The following VPS33B variants were observed in gnomAD, a reference collection of about 807,000 sequenced individuals.
VPS33B encodes the protein vacuolar protein sorting-associated protein 33B.
A neutral mutation model predicts 95.3 loss-of-function variants in VPS33B; 80 were observed. The observed-to-expected ratio is 0.84, with a 90% CI of 0.70 to 1.01. The LOEUF (loss-of-function observed/expected upper bound fraction) is 1.01. VPS33B is among the 50% of genes least tolerant of loss of function. VPS33B has a pLI of 0.00. For synonymous variants in VPS33B, 280 were observed against 280.4 expected, an observed-to-expected ratio of 1.00 and a Z score of 0.01; for missense variants, 715 against 773.4, an observed-to-expected ratio of 0.92 and a Z score of 0.90.
At chr15:91,008,240 C>T (rs2040673720) in intron 6 of VPS33B, among the ~76,000 whole-genome samples, 1 of 152,130 alleles carries the variant, frequency 6.6e-6, no homozygotes, top group Admixed American at 6.5e-5. Context: ...ACCAAAAGTG[C>T]CGAGAAAACA....
chr15:91,003,612 G>T (rs182577280), intron 16 of VPS33B, among the ~76,000 whole-genome samples: 106 of 152,142 alleles, frequency 7.0e-4, no homozygotes, highest in African/African-American at 2.5e-3. Context: ...GCTAATTTTT[G>T]TATTTTTAGT....
chr15:91,017,412 A>G (rs2040971947), intron 2 of VPS33B, among the ~76,000 whole-genome samples: 1 of 104,614 alleles, frequency 9.6e-6, no homozygotes, highest in Admixed American at 1.1e-4. Flanking sequence ...ATATATATAT[A>G]TATATATATA....
At position 91,011,656 on chromosome 15, in the gene VPS33B, G is replaced by C. The variant is rs934962882; in HGVS notation, c.358-1810C>G. Among the ~76,000 whole-genome samples, 5 of 152,256 alleles carry C rather than the reference G, an allele frequency of 3.3e-5. No individual in the cohort carries two copies. The highest frequency in any genetic ancestry group is 2.1e-4 in the South Asian group (1 of 4,820). On this transcript the variant is annotated intron_variant, in intron 5 of 22. Coordinates refer to ENST00000333371, the MANE Select transcript of VPS33B (RefSeq NM_018668.5). This position sits in a 1 kb window ranked among gnomAD's most constrained non-coding sequence, Gnocchi z 5.5. ...TTTCTGTGTAATAGAGAGGCTTGTA[G>C]GATTATTTTAACTTGTAGGATTATT...
Position 91,002,775 on chromosome 15 carries a change from C to A in VPS33B, c.1272+310G>T, listed in dbSNP as rs950892147. Among the ~76,000 whole-genome samples the A allele has an allele frequency of 6.6e-6, 1 of 152,106 alleles. No individual in the cohort carries two copies. The highest frequency in any genetic ancestry group is 1.9e-4 in the East Asian group (1 of 5,200). On this transcript the variant is annotated intron_variant, in intron 17 of 22. Coordinates refer to ENST00000333371, the MANE Select transcript of VPS33B (RefSeq NM_018668.5). This position sits in a 1 kb window ranked among gnomAD's most constrained non-coding sequence, Gnocchi z 4.7. ...ACTTGAGAAGTACCAGGAAGGAAAG[C>A]TGAATCAATGCCTCACACGGTGCTA...
intron 1 of VPS33B, among the ~76,000 whole-genome samples, chr15:91,020,156 A>G (rs796475177): frequency 3.9e-4 from 59 of 152,270 alleles, no homozygotes; most frequent in African/African-American, 1.4e-3. Context: ...TAGTGTTTAT[A>G]ACTTATGGTA....
rs1354015234 is a variant in VPS33B, at chr15:91,002,675, CAAAG to C, written c.1272+406_1272+409del. Among the ~76,000 whole-genome samples, 10 of 146,554 alleles carry C rather than the reference CAAAG, an allele frequency of 6.8e-5. No individual in the cohort carries two copies. In the South Asian group the frequency reaches 2.0e-3, roughly 29 times the overall value. On this transcript the variant is annotated intron_variant, in intron 17 of 22. Coordinates refer to ENST00000333371, the MANE Select transcript of VPS33B (RefSeq NM_018668.5). This position sits in a 1 kb window ranked among gnomAD's most constrained non-coding sequence, Gnocchi z 4.7. ...AAGAAAAGAAATAATTAGCACCAAA[CAAAG>C]AAGAATAAAAAGCAGCATGAGACTT...
rs142949901 is a variant in VPS33B, at chr15:91,005,996, G to A, written c.916C>T (p.Arg306Trp). ...ACATCATACTGGGCCTGCAAGTTCC[G>A]GGCCTTCTGGCTCAAGAAGCCAAAG... is the stretch of plus-strand genomic sequence containing the variant. ...NVFGFLSQKA[R>W]NLQAQYDRRR... Residue 306 changes from arginine to tryptophan, a missense_variant, in exon 12 of 23, where the codon CGG becomes TGG. Physicochemically the swap from Arg to Trp is moderately radical, Grantham distance 101 (BLOSUM62 -3). Coordinates refer to ENST00000333371, the MANE Select transcript of VPS33B (RefSeq NM_018668.5). This position sits in a 1 kb window ranked among gnomAD's most constrained non-coding sequence, Gnocchi z 6.4. 15 of 1,614,010 alleles carry A rather than the reference G, an allele frequency of 9.3e-6. No individual in the cohort carries two copies. Among genetic ancestry groups the A allele is most frequent in the East Asian group, 2.2e-5 (1 of 44,888 alleles).
At position 90,998,805 on chromosome 15, in the gene VPS33B, G is replaced by A. The variant is rs1414568622; in HGVS notation, c.*170C>T. On this transcript the variant is annotated 3_prime_UTR_variant, in exon 23 of 23. Coordinates refer to ENST00000333371, the MANE Select transcript of VPS33B (RefSeq NM_018668.5). This position sits in a 1 kb window ranked among gnomAD's most constrained non-coding sequence, Gnocchi z 4.8. ...AGAAAAGAGAAATATCCTGGGAGCA[G>A]GAAGTGAACTCTTTTCTCAGATAAT... 1 of 746,568 alleles carries A rather than the reference G, an allele frequency of 1.3e-6. No individual in the cohort carries two copies. The highest frequency in any genetic ancestry group is 1.5e-5 in the South Asian group (1 of 66,360). 46.2% of individuals were successfully genotyped at this position (746,568 alleles called of 1,614,324 possible).
chr15:91,007,987 C>A lies in VPS33B; in HGVS notation c.404-23G>T. 6.2e-7 allele frequency: 1 copy of A among 1,611,298 alleles called. No individual in the cohort carries two copies. Among genetic ancestry groups the A allele is most frequent in the Non-Finnish European group, 8.5e-7 (1 of 1,177,426 alleles). On this transcript the variant is annotated intron_variant, in intron 6 of 22. Transcript: ENST00000333371. This position sits in a 1 kb window ranked among gnomAD's most constrained non-coding sequence, Gnocchi z 5.3. Reference sequence around the variant, plus strand: ...CATCTGTGGGGACAGAGAGCATCAGCCTCCCTGCAGAAGGTACTTAGCTCC... The same window carrying A: ...CATCTGTGGGGACAGAGAGCATCAGACTCCCTGCAGAAGGTACTTAGCTCC...
chr15:90,999,315 C>G lies in VPS33B; in HGVS notation c.1775-261G>C. ...AAATATTCCTGTGCAGGACACTTTGCGTGTTTTTTTTTTTTCTCTTGAGAT... is the reference window on the plus strand; with the variant it reads ...AAATATTCCTGTGCAGGACACTTTGGGTGTTTTTTTTTTTTCTCTTGAGAT... On this transcript the variant is annotated intron_variant, in intron 22 of 22. Transcript: ENST00000333371. This position sits in a 1 kb window ranked among gnomAD's most constrained non-coding sequence, Gnocchi z 5.1. The G allele has an allele frequency of 3.6e-6, 2 of 559,816 alleles. No homozygotes were observed. Among genetic ancestry groups the G allele is most frequent in the Non-Finnish European group, 6.3e-6 (2 of 316,094 alleles). The allele number at this position is 559,816 out of a possible 1,614,324, so 34.7% of individuals were successfully genotyped here.
At position 91,006,976 on chromosome 15, in the gene VPS33B, A is replaced by G. The variant is rs1221382135; in HGVS notation, c.674T>C (p.Ile225Thr). The G allele has an allele frequency of 4.3e-6, 7 of 1,614,128 alleles. 1 individual carries two copies. Among genetic ancestry groups the G allele is most frequent in the Non-Finnish European group, 5.9e-6 (7 of 1,180,034 alleles). Residue 225 changes from isoleucine to threonine, a missense_variant, in exon 9 of 23, where the codon ATT becomes ACT. Coordinates refer to ENST00000333371, the MANE Select transcript of VPS33B (RefSeq NM_018668.5). The surrounding 1 kb of genome is among the most constrained non-coding windows in gnomAD (Gnocchi z 5.4). ...DGETKGRRPE[I>T]GHIFLLDRDV... ...TCTGTCCAAGAGAAAGATATGTCCA[A>G]TCTCTGGCCTTCGGCCCTTGGTTTC... is the stretch of plus-strand genomic sequence containing the variant.
chr15:91,016,375 C>CTTTTTT lies in VPS33B; in HGVS notation c.239+582_239+587dup, dbSNP rs796637381. 1.4e-3 allele frequency among the ~76,000 whole-genome samples: 133 copies of CTTTTTT among 95,994 alleles called. 2 individuals carry two copies. Among genetic ancestry groups the CTTTTTT allele is most frequent in the African/African-American group, 3.3e-3 (79 of 23,660 alleles). 63.0% of individuals were successfully genotyped at this position (95,994 alleles called of 152,430 possible). A position where few individuals can be genotyped will look rare whatever the true frequency, so the allele number is the denominator to read the frequency against. On this transcript the variant is annotated intron_variant, in intron 3 of 22. Transcript: ENST00000333371. The stretch of plus-strand genomic sequence containing the variant: ...GTAATAAGAGGCCTTGCAGATTCTT[C>CTTTTTT]TTTTTTTTTTTTTTTTTTTTTTTTT...
intron 18 of VPS33B, among the ~76,000 whole-genome samples, chr15:91,001,692 T>C (rs1431350429): frequency 6.6e-6 from 1 of 152,152 alleles, no homozygotes; most frequent in African/African-American, 2.4e-5. Flanking sequence ...ATCCACAGGG[T>C]AACCCGAGTT....
At position 91,001,291 on chromosome 15, in the gene VPS33B, C is replaced by G; in HGVS notation, c.1479+98G>C. On this transcript the variant is annotated intron_variant, in intron 19 of 22. Transcript: ENST00000333371. ...TGCCACTGCACTCCAGCCTGGGCAA[C>G]AGAGCAAGATTCCATCTCAAAAAAA... 1.1e-5 allele frequency: 10 copies of G among 925,794 alleles called. No homozygotes were observed. The South Asian group carries it at 1.1e-4, about 10-fold the overall frequency. The allele number at this position is 925,794 out of a possible 1,614,324, so 57.3% of individuals were successfully genotyped here. A position where few individuals can be genotyped will look rare whatever the true frequency, so the allele number is the denominator to read the frequency against.
At position 91,007,745 on chromosome 15, in the gene VPS33B, C is replaced by T. The variant is rs1308404265; in HGVS notation, c.498+125G>A. 21 of 1,166,112 alleles carry T rather than the reference C, an allele frequency of 1.8e-5. No individual in the cohort carries two copies. In the East Asian group the frequency reaches 3.7e-4, roughly 21 times the overall value. 72.2% of individuals were successfully genotyped at this position (1,166,112 alleles called of 1,614,324 possible). A position where few individuals can be genotyped will look rare whatever the true frequency, so the allele number is the denominator to read the frequency against. ...AGACCAATCTGTAGCACTCAATCAC[C>T]ACATCACTATCACTTGTGATAAATT... is the stretch of plus-strand genomic sequence containing the variant. On this transcript the variant is annotated intron_variant, in intron 7 of 22. Transcript: ENST00000333371. The surrounding 1 kb of genome is among the most constrained non-coding windows in gnomAD (Gnocchi z 5.3).
intron 2 of VPS33B, among the ~76,000 whole-genome samples, chr15:91,017,422 A>T (rs1467929228): frequency 1.8e-5 from 2 of 113,664 alleles, no homozygotes; most frequent in Non-Finnish European, 3.7e-5. Context: ...ATATATATAT[A>T]TTCTGTAGTA....
chr15:91,005,880 A>G lies in VPS33B; in HGVS notation c.939+93T>C. Reference sequence around the variant, plus strand: ...CATCCATCCATGAGAAAGGACAGGGAACCTGTCATAGTATTAGAAGGGGAG... The same window carrying G: ...CATCCATCCATGAGAAAGGACAGGGGACCTGTCATAGTATTAGAAGGGGAG... On this transcript the variant is annotated intron_variant, in intron 12 of 22. Coordinates refer to ENST00000333371, the MANE Select transcript of VPS33B (RefSeq NM_018668.5). The surrounding 1 kb of genome is among the most constrained non-coding windows in gnomAD (Gnocchi z 6.4). The G allele has an allele frequency of 6.3e-7, 1 of 1,599,032 alleles. No individual in the cohort carries two copies. The highest frequency in any genetic ancestry group is 1.7e-5 in the Admixed American group (1 of 59,328).
chr15:91,006,916 C>T lies in VPS33B; in HGVS notation c.700+34G>A, dbSNP rs2040624934. On this transcript the variant is annotated intron_variant, in intron 9 of 22. Transcript: ENST00000333371. This position sits in a 1 kb window ranked among gnomAD's most constrained non-coding sequence, Gnocchi z 5.4. ...TTCCATATTCCCGTGTCTTCTAGGG[C>T]TGAAAGATGACAGGAACGCTGGGCA... 2 of 1,612,586 alleles carry T rather than the reference C, an allele frequency of 1.2e-6. No homozygotes were observed. The highest frequency in any genetic ancestry group is 1.7e-6 in the Non-Finnish European group (2 of 1,178,624).
rs774801832 is a variant in VPS33B, at chr15:91,006,321, G to A, written c.852+51C>T. 2.9e-6 allele frequency: 4 copies of A among 1,372,076 alleles called. No homozygotes were observed. Among genetic ancestry groups the A allele is most frequent in the Non-Finnish European group, 3.0e-6 (3 of 1,012,088 alleles). The allele number at this position is 1,372,076 out of a possible 1,614,324, so 85.0% of individuals were successfully genotyped here. A position where few individuals can be genotyped will look rare whatever the true frequency, so the allele number is the denominator to read the frequency against. On this transcript the variant is annotated intron_variant, in intron 11 of 22. Transcript: ENST00000333371. The surrounding 1 kb of genome is among the most constrained non-coding windows in gnomAD (Gnocchi z 5.4). ...GGTATAAGCAGGGGGCCCACAGCCTGGTATAAGCAGTGGCCCTAGGTGGGC... is the reference window on the plus strand; with the variant it reads ...GGTATAAGCAGGGGGCCCACAGCCTAGTATAAGCAGTGGCCCTAGGTGGGC...
Sources: gnomAD v4.1 joint callset for allele counts (sites outside exome capture counted in the v4.1 genomes callset) on GRCh38, gnomAD v4.1.1 for gene constraint, Gnocchi (gnomAD v3.1) non-coding constraint, MANE v1.5 for transcripts, NCBI Gene and HGNC (gene_info 2026-07-23, HGNC 2026-07-21) for gene names.